Variants in RARB observed in about 807,000 individuals in gnomAD.
The protein encoded by RARB is retinoic acid receptor beta.
A neutral mutation model predicts 51.9 loss-of-function variants in RARB; 17 were observed. That is an observed-to-expected ratio of 0.33 (90% confidence interval 0.22 to 0.49). RARB has a LOEUF of 0.49. RARB is among the 20% of genes least tolerant of loss of function. The probability of loss-of-function intolerance (pLI) is 0.99; values close to 1 mark genes in which losing one functional copy is unlikely to be tolerated. For missense variants in RARB, 369 were observed against 550.8 expected (o/e 0.67, Z 3.30); for synonymous variants, 215 against 195.4 (o/e 1.10, Z -0.84).
At chr3:24,935,227 T>C (rs1252419945) in intron 2 of RARB, among the ~76,000 whole-genome samples, 1 of 152,146 alleles carries the variant, frequency 6.6e-6, no homozygotes, top group East Asian at 1.9e-4. Flanking sequence ...CGTTTAGGTA[T>C]AGAACAAAGG....
chr3:25,160,072 C>T (rs1333338630), intron 4 of RARB, among the ~76,000 whole-genome samples: 2 of 152,192 alleles, frequency 1.3e-5, no homozygotes, highest in Non-Finnish European at 2.9e-5. Context: ...TCTCTATAAA[C>T]TCACACACTG....
At chr3:24,950,646 T>C (rs1192889778) in intron 2 of RARB, among the ~76,000 whole-genome samples, 1 of 145,422 alleles carries the variant, frequency 6.9e-6, no homozygotes, top group Non-Finnish European at 1.5e-5. Flanking sequence ...TGTGCACAGC[T>C]AAACAACACC....
chr3:25,076,642 G>A (rs534933419), intron 3 of RARB, among the ~76,000 whole-genome samples: 1 of 152,226 alleles, frequency 6.6e-6, no homozygotes, highest in East Asian at 1.9e-4. Flanking sequence ...AATATTCTGA[G>A]TAAGTCTTAT....
chr3:25,540,317 T>A (rs1324833114), intron 3 of RARB, among the ~76,000 whole-genome samples: 1 of 152,194 alleles, frequency 6.6e-6, no homozygotes, highest in Non-Finnish European at 1.5e-5. Context: ...CGGTTTAGGC[T>A]TTTTAATCTT....
chr3:25,024,739 G>A (rs186055323), intron 2 of RARB, among the ~76,000 whole-genome samples: 428 of 152,120 alleles, frequency 2.8e-3, no homozygotes, highest in Non-Finnish European at 4.7e-3. Context: ...GATCACTTGA[G>A]CTCAGGAGCT....
intron 5 of RARB, among the ~76,000 whole-genome samples, chr3:25,280,666 C>A (rs751996672): frequency 6.6e-6 from 1 of 152,162 alleles, no homozygotes; most frequent in Non-Finnish European, 1.5e-5. Context: ...TTATTGAGTT[C>A]TTCAAATTAG....
chr3:25,046,607 C>T (rs1176110313), intron 2 of RARB, among the ~76,000 whole-genome samples: 3 of 152,154 alleles, frequency 2.0e-5, no homozygotes, highest in Admixed American at 2.0e-4. Context: ...GCACACACCA[C>T]CATGCTCAGC....
intron 4 of RARB, among the ~76,000 whole-genome samples, chr3:25,147,529 A>G (rs547769946): frequency 3.3e-5 from 5 of 152,338 alleles, no homozygotes; most frequent in Admixed American, 3.3e-4. Flanking sequence ...TCATTTTCAA[A>G]ATAAGAATTC....
chr3:25,477,400 A>G (rs1015405188), intron 2 of RARB, among the ~76,000 whole-genome samples: 1 of 152,142 alleles, frequency 6.6e-6, no homozygotes, highest in Non-Finnish European at 1.5e-5. Context: ...TCCTTTACAC[A>G]ATGGTTGAAC....
chr3:24,875,919 C>T (rs1405990815), intron 2 of RARB, among the ~76,000 whole-genome samples: 6 of 152,066 alleles, frequency 3.9e-5, no homozygotes, highest in South Asian at 2.1e-4. Context: ...CCTTCAAGGT[C>T]TTCACACTTT....
chr3:25,301,168 C>T (rs1231772917), intron 5 of RARB, among the ~76,000 whole-genome samples: 1 of 152,042 alleles, frequency 6.6e-6, no homozygotes, highest in Non-Finnish European at 1.5e-5. Flanking sequence ...GCAGTTTTCA[C>T]TTCTGTTTTA....
At chr3:25,487,801 C>G (rs1696543914) in intron 2 of RARB, among the ~76,000 whole-genome samples, 1 of 152,160 alleles carries the variant, frequency 6.6e-6, no homozygotes, top group African/African-American at 2.4e-5. Context: ...TTCACGGGGT[C>G]TATTCTAATG....
intron 5 of RARB, among the ~76,000 whole-genome samples, chr3:25,269,154 A>G (rs992477163): frequency 2.6e-5 from 4 of 152,222 alleles, no homozygotes; most frequent in African/African-American, 9.6e-5. Context: ...ATGTGCCAAA[A>G]TATGTCTCAA....
intron 1 of RARB, among the ~76,000 whole-genome samples, chr3:25,430,941 G>GTTC (rs1362858308): frequency 7.2e-6 from 1 of 138,982 alleles, no homozygotes; most frequent in Non-Finnish European, 1.5e-5. Flanking sequence ...ATGATGGTCA[G>GTTC]TTGTTCCAAC....
intron 5 of RARB, chr3:25,345,837 A>T (rs1289437201): frequency 1.1e-6 from 1 of 876,026 alleles, no homozygotes; most frequent in Non-Finnish European, 1.4e-6. Flanking sequence ...TTGCTACCTA[A>T]GAGACACCTC....
chr3:25,396,237 T>C (rs1284770313), intron 5 of RARB, among the ~76,000 whole-genome samples: 1 of 152,262 alleles, frequency 6.6e-6, no homozygotes, highest in African/African-American at 2.4e-5. Context: ...CAGCCATGGA[T>C]ACCAGCACGT....
intron 1 of RARB, among the ~76,000 whole-genome samples, chr3:24,846,721 G>A (rs1702489981): frequency 1.3e-5 from 2 of 152,154 alleles, no homozygotes; most frequent in Non-Finnish European, 2.9e-5. Context: ...GAGAACAGAA[G>A]ACCTTATGTT....
At chr3:25,058,131 T>C (rs548084417) in intron 2 of RARB, among the ~76,000 whole-genome samples, 2 of 152,074 alleles carry the variant, frequency 1.3e-5, no homozygotes, top group African/African-American at 4.8e-5. Flanking sequence ...TTAATTATGT[T>C]TGGAGTTCAA....
At chr3:25,528,713 G>C (rs1575490303) in intron 3 of RARB, among the ~76,000 whole-genome samples, 1 of 148,186 alleles carries the variant, frequency 6.7e-6, no homozygotes. Context: ...AGGGAGGGTA[G>C]AGATGGCTGC....
Sources: allele counts gnomAD v4.1 joint callset (sites outside exome capture counted in the v4.1 genomes callset), GRCh38; gene constraint gnomAD v4.1.1; transcripts MANE v1.5; gene names NCBI Gene and HGNC (gene_info 2026-07-23, HGNC 2026-07-21).